Variants in CREM observed in about 807,000 individuals in gnomAD.
CREM encodes the protein cAMP-responsive element modulator.
A neutral mutation model predicts 37.3 loss-of-function variants in CREM; 13 were observed. The ratio of observed to expected loss-of-function variants is 0.35; its 90% CI spans 0.23 to 0.55. The LOEUF (loss-of-function observed/expected upper bound fraction) is 0.55. Ranked by LOEUF, CREM falls within the 20% of genes least tolerant of loss-of-function variation. The pLI is 0.88. For missense variants in CREM, 296 were observed against 362.3 expected (o/e 0.82, Z 1.49); for synonymous variants, 124 against 120.2 (o/e 1.03, Z -0.21).
chr10:35,147,045 T>G (rs1023173337), intron 2 of CREM, among the ~76,000 whole-genome samples: 7 of 68,528 alleles, frequency 1.0e-4, no homozygotes, highest in African/African-American at 2.5e-4. Context: ...TTTTGGGTTT[T>G]TTTTTTTTTT....
chr10:35,174,538 T>C (rs2132878939), intron 3 of CREM, among the ~76,000 whole-genome samples: 2 of 152,300 alleles, frequency 1.3e-5, no homozygotes, highest in South Asian at 4.1e-4. Flanking sequence ...TTTTCAGATA[T>C]TAATATAAGT....
At chr10:35,149,044 C>T (rs907516142) in intron 3 of CREM, among the ~76,000 whole-genome samples, 8 of 152,112 alleles carry the variant, frequency 5.3e-5, no homozygotes, top group East Asian at 3.9e-4. Flanking sequence ...CTAATTATTC[C>T]GGATGCATGT....
At chr10:35,179,012 A>G in intron 4 of CREM, 26 bp downstream of exon 4, 1 of 1,575,402 alleles carries the variant, frequency 6.3e-7, no homozygotes, top group Non-Finnish European at 8.6e-7. Context: ...TTCCTAATGT[A>G]AAGATACTTT....
In CREM at chr10:35,196,200, T is replaced by G; in HGVS notation, c.598+7812T>G. 3 of 1,169,230 alleles carry G rather than the reference T, an allele frequency of 2.6e-6. No individual in the cohort carries two copies. The South Asian group carries it at 3.9e-5, about 15-fold the overall frequency. The allele number at this position is 1,169,230 out of a possible 1,614,324, so 72.4% of individuals were successfully genotyped here. A position where few individuals can be genotyped will look rare whatever the true frequency, so the allele number is the denominator to read the frequency against. On this transcript the variant is annotated intron_variant, in intron 6 of 7. Transcript: ENST00000685392. The stretch of plus-strand genomic sequence containing the variant: ...CGGGTTCTTTACTCTTACTCCATCC[T>G]CTTACTCCATCTATAGGAACTTGCG...
intron 6 of CREM, chr10:35,195,840 C>T (rs753506798): frequency 1.9e-4 from 104 of 541,938 alleles, no homozygotes; most frequent in Non-Finnish European, 3.2e-4. Context: ...AAACTCCAAG[C>T]GAGCTGCACA....
At chr10:35,144,339 A>C (rs116381378) in intron 2 of CREM, among the ~76,000 whole-genome samples, 12 of 152,260 alleles carry the variant, frequency 7.9e-5, no homozygotes, top group African/African-American at 2.4e-4. Context: ...CTGATTATAT[A>C]TAGACACACG....
chr10:35,128,873 A>G (rs2135300447), intron 1 of CREM, among the ~76,000 whole-genome samples: 1 of 152,224 alleles, frequency 6.6e-6, no homozygotes, highest in South Asian at 2.1e-4. Flanking sequence ...TCCCTTCCTA[A>G]GTCATAGTAG....
chr10:35,151,390 C>T (rs909435654), intron 3 of CREM, among the ~76,000 whole-genome samples: 1 of 152,084 alleles, frequency 6.6e-6, no homozygotes, highest in African/African-American at 2.4e-5. Flanking sequence ...GACAGAGTCT[C>T]ACTATGTCAC....
chr10:35,186,204 A>G (rs959796368), intron 5 of CREM, among the ~76,000 whole-genome samples: 1 of 152,210 alleles, frequency 6.6e-6, no homozygotes, highest in Admixed American at 6.5e-5. Context: ...ACCATTTAAT[A>G]TCTACTGTTT....
chr10:35,188,479 C>A (rs1335279064), intron 6 of CREM, 91 bp downstream of exon 6: 2 of 1,188,440 alleles, frequency 1.7e-6, no homozygotes, highest in Admixed American at 5.6e-5. Context: ...TGAAATAGAT[C>A]GAAGGTAGAT....
At chr10:35,210,397 A>C (rs2095639970) in intron 7 of CREM, 1 of 152,234 alleles carries the variant, frequency 6.6e-6, no homozygotes, top group Non-Finnish European at 1.5e-5. Context: ...AAAATGACTA[A>C]GTCAACTCAT....
At chr10:35,142,657 G>T (rs559703045) in intron 2 of CREM, among the ~76,000 whole-genome samples, 1 of 152,286 alleles carries the variant, frequency 6.6e-6, no homozygotes, top group East Asian at 1.9e-4. Flanking sequence ...CCAGGCTGGA[G>T]TGCAGTGGCA....
chr10:35,186,970 A>G (rs1459934996), intron 5 of CREM, among the ~76,000 whole-genome samples: 1 of 94,796 alleles, frequency 1.1e-5, no homozygotes, highest in Non-Finnish European at 1.8e-5. Flanking sequence ...TATATAATTT[A>G]TATATTATAT....
intron 1 of CREM, chr10:35,135,426 G>A (rs1313762723): frequency 1.3e-5 from 2 of 152,028 alleles, no homozygotes; most frequent in East Asian, 3.9e-4. Context: ...TATTCCTGTA[G>A]AAAATCGGTA....
At chr10:35,153,663 G>A (rs2092726276) in intron 3 of CREM, among the ~76,000 whole-genome samples, 1 of 152,172 alleles carries the variant, frequency 6.6e-6, no homozygotes, top group Non-Finnish European at 1.5e-5. Context: ...CATAGCTGCT[G>A]CTGAAGCCTG....
At chr10:35,148,050 T>C (rs1034260465) in intron 2 of CREM, among the ~76,000 whole-genome samples, 1 of 152,218 alleles carries the variant, frequency 6.6e-6, no homozygotes, top group Non-Finnish European at 1.5e-5. Flanking sequence ...TTTTAGAATA[T>C]TCGCATATAC....
intron 6 of CREM, among the ~76,000 whole-genome samples, chr10:35,189,177 G>GTTTT (rs201302253): frequency 6.9e-6 from 1 of 144,252 alleles, no homozygotes. Flanking sequence ...TGGGTTTTTT[G>GTTTT]TTTTTTTTTG....
chr10:35,210,973 G>T (rs1045292196), intron 7 of CREM, among the ~76,000 whole-genome samples: 1 of 152,202 alleles, frequency 6.6e-6, no homozygotes, highest in Non-Finnish European at 1.5e-5. Context: ...TCCTATTGTA[G>T]TTTACTGAAA....
chr10:35,196,154 A>T, intron 6 of CREM: 2 of 1,581,694 alleles, frequency 1.3e-6, no homozygotes, highest in East Asian at 4.5e-5. Context: ...TGAGAAATGG[A>T]TTATGTATTG....
Sources: allele counts gnomAD v4.1 joint callset (sites outside exome capture counted in the v4.1 genomes callset), GRCh38; gene constraint gnomAD v4.1.1; transcripts MANE v1.5; gene names NCBI Gene and HGNC (gene_info 2026-07-23, HGNC 2026-07-21).